MARCHF7: variants seen among roughly 807,000 people sequenced by gnomAD.
MARCHF7 encodes membrane associated ring-CH-type finger 7.
In MARCHF7, 20 loss-of-function variants were observed where a neutral mutation model predicts 76.5. That is an observed-to-expected ratio of 0.26 (90% CI 0.18 to 0.38). The LOEUF is 0.38. Among genes scored for constraint, MARCHF7 ranks in the 10% least tolerant of loss-of-function variants. MARCHF7 has a pLI of 1.00. For missense variants in MARCHF7, 797 were observed against 812.9 expected (o/e 0.98, Z 0.24); for synonymous variants, 295 against 293.0 (o/e 1.01, Z -0.07).
At chr2:159,731,570 C>T (rs555599879) in intron 4 of MARCHF7, among the ~76,000 whole-genome samples, 1 of 151,306 alleles carries the variant, frequency 6.6e-6, no homozygotes, top group Non-Finnish European at 1.5e-5. Flanking sequence ...GCCTAACCAA[C>T]ATGGAGAAAC....
intron 4 of MARCHF7, among the ~76,000 whole-genome samples, chr2:159,729,466 T>G (rs1574252655): frequency 6.6e-6 from 1 of 151,946 alleles, no homozygotes; most frequent in African/African-American, 2.4e-5. Context: ...AGGTCAGGAG[T>G]TCGAGACCAG....
At chr2:159,763,430 C>T (rs189751579) in intron 10 of MARCHF7, among the ~76,000 whole-genome samples, 110 of 152,238 alleles carry the variant, frequency 7.2e-4, no homozygotes, top group Non-Finnish European at 1.1e-3. Flanking sequence ...TTTAAGTGTC[C>T]ATATTACAAA....
chr2:159,762,846 TTTTTC>T, intron 9 of MARCHF7, 29 bp from the exon 10 acceptor site: 1 of 1,332,560 alleles, frequency 7.5e-7, no homozygotes, highest in Non-Finnish European at 1.1e-6. Flanking sequence ...ATTCTCTGTA[TTTTTC>T]TTTTCTCCTG....
intron 6 of MARCHF7, among the ~76,000 whole-genome samples, chr2:159,747,516 A>G (rs971396489): frequency 2.0e-5 from 3 of 152,156 alleles, no homozygotes; most frequent in African/African-American, 7.2e-5. Context: ...TTTCTGATCA[A>G]TAAATTCAGC....
intron 4 of MARCHF7, chr2:159,733,914 A>G: frequency 8.2e-7 from 1 of 1,219,208 alleles, no homozygotes; most frequent in Non-Finnish European, 1.0e-6. Flanking sequence ...GAAAATGTAG[A>G]TTCTAAGTTC....
At position 159,764,618 on chromosome 2, in the gene MARCHF7, G is replaced by A; in HGVS notation, c.2008-8G>A. 1 of 1,590,274 alleles carries A rather than the reference G, an allele frequency of 6.3e-7. No individual in the cohort carries two copies. The highest frequency in any genetic ancestry group is 8.6e-7 in the Non-Finnish European group (1 of 1,167,622). On this transcript the variant is annotated splice_region_variant and splice_polypyrimidine_tract_variant and intron_variant, in intron 10 of 11. Transcript: ENST00000409175. ...AAACTACTGTATTTCTTTCTGCATT[G>A]TTTCTAGTTTATTAACCTTGCAAGA...
intron 3 of MARCHF7, among the ~76,000 whole-genome samples, chr2:159,728,384 A>G (rs746295102): frequency 2.0e-5 from 3 of 152,224 alleles, no homozygotes; most frequent in African/African-American, 4.8e-5. Context: ...TTGAGTACCT[A>G]TTGTATCCCA....
chr2:159,764,538 A>C, intron 10 of MARCHF7, 88 bp from the exon 11 acceptor site: 4 of 1,004,664 alleles, frequency 4.0e-6, no homozygotes, highest in Non-Finnish European at 5.6e-6. Context: ...TTGACTTTTT[A>C]AGTAGAAATG....
chr2:159,720,321 G>T (rs1202182954), intron 3 of MARCHF7, among the ~76,000 whole-genome samples: 1 of 152,234 alleles, frequency 6.6e-6, no homozygotes, highest in African/African-American at 2.4e-5. Flanking sequence ...ACTGCACCCA[G>T]CCATGGAGGA....
At chr2:159,749,335 T>G in intron 7 of MARCHF7, among the ~76,000 whole-genome samples, 1 of 151,634 alleles carries the variant, frequency 6.6e-6, no homozygotes, top group African/African-American at 2.4e-5. Flanking sequence ...AGGGTTGTTT[T>G]GTTTTTGTTT....
chr2:159,718,490 A>G (rs1182570484), intron 3 of MARCHF7, among the ~76,000 whole-genome samples: 2 of 152,154 alleles, frequency 1.3e-5, no homozygotes, highest in African/African-American at 2.4e-5. Context: ...ATACCTGATC[A>G]AGGCCATTAT....
chr2:159,748,689 G>T lies in MARCHF7; in HGVS notation c.1399G>T (p.Ala467Ser), dbSNP rs761095067. The change falls in exon 7 of 12, where the codon GCT becomes TCT. Residue 467 changes from alanine to serine, a missense_variant. Coordinates refer to ENST00000409175, the MANE Select transcript of MARCHF7 (RefSeq NM_001282805.2). ...ATTGGSTSDS[A>S]QGGRNTGISG... is the part of the protein sequence containing the mutation. ...AACAGGTGGCTCTACATCAGATTCG[G>T]CTCAAGGTGGAAGAAATACAGGAAT... is the stretch of plus-strand genomic sequence containing the variant. 8.7e-6 allele frequency: 14 copies of T among 1,614,148 alleles called. No homozygotes were observed. In the Admixed American group the frequency reaches 1.0e-4, roughly 12 times the overall value.
At chr2:159,761,840 A>T (rs963801470) in intron 9 of MARCHF7, among the ~76,000 whole-genome samples, 2 of 152,172 alleles carry the variant, frequency 1.3e-5, no homozygotes, top group Admixed American at 1.3e-4. Context: ...TCACTGTAAA[A>T]ATTACAGGAC....
rs929430022 is a variant in MARCHF7, at chr2:159,734,206, A to G, written c.153+5031A>G. 4.8e-6 allele frequency: 4 copies of G among 829,004 alleles called. No homozygotes were observed. The African/African-American group carries it at 5.2e-5, about 11-fold the overall frequency. 51.4% of individuals were successfully genotyped at this position (829,004 alleles called of 1,614,324 possible). A position where few individuals can be genotyped will look rare whatever the true frequency, so the allele number is the denominator to read the frequency against. The stretch of plus-strand genomic sequence containing the variant: ...TTTCTGTAACTTTAAGGAAGCACTA[A>G]TCTGTTTAGTGTTTGTTCTGTTTTG... On this transcript the variant is annotated intron_variant, in intron 4 of 11. Coordinates refer to ENST00000409175, the MANE Select transcript of MARCHF7 (RefSeq NM_001282805.2).
At position 159,757,420 on chromosome 2, in the gene MARCHF7, A is replaced by G. The variant is rs762320571; in HGVS notation, c.1784-1806A>G. ...GCTAAAGTCTACAGGATATACAAAG[A>G]TGAATAAAATAAGTCTAGTACAAGT... On this transcript the variant is annotated intron_variant, in intron 8 of 11. Transcript: ENST00000409175. 1.7e-4 allele frequency among the ~76,000 whole-genome samples: 26 copies of G among 152,232 alleles called. 1 individual carries two copies. The highest frequency in any genetic ancestry group is 1.5e-4 in the Non-Finnish European group (10 of 68,050).
At chr2:159,750,418 A>G (rs1321860970) in intron 7 of MARCHF7, among the ~76,000 whole-genome samples, 6 of 152,162 alleles carry the variant, frequency 3.9e-5, no homozygotes, top group African/African-American at 9.7e-5. Flanking sequence ...GCAGCTACTC[A>G]GGAGGCTGAG....
At chr2:159,757,284 T>C (rs1265799513) in intron 8 of MARCHF7, among the ~76,000 whole-genome samples, 1 of 152,208 alleles carries the variant, frequency 6.6e-6, no homozygotes, top group African/African-American at 2.4e-5. Flanking sequence ...ACTTTCCTGA[T>C]AGGCATCTGA....
chr2:159,722,576 T>G (rs1437525067), intron 3 of MARCHF7, among the ~76,000 whole-genome samples: 1 of 152,204 alleles, frequency 6.6e-6, no homozygotes, highest in Non-Finnish European at 1.5e-5. Flanking sequence ...GCTTGTTAAG[T>G]ATTAATTACT....
Position 159,712,558 on chromosome 2 carries a change from A to G in MARCHF7, c.-191A>G, listed in dbSNP as rs527642460. 1 of 152,550 alleles carries G rather than the reference A, an allele frequency of 6.6e-6. No individual in the cohort carries two copies. The highest frequency in any genetic ancestry group is 6.5e-5 in the Admixed American group (1 of 15,278). 9.4% of individuals were successfully genotyped at this position (152,550 alleles called of 1,614,324 possible). A position where few individuals can be genotyped will look rare whatever the true frequency, so the allele number is the denominator to read the frequency against. ...CGGGCGCCATTGTGCTTCGCTGCCG[A>G]CTGCATTTCCTCAGTCACGGGCCTA... On this transcript the variant is annotated 5_prime_UTR_variant, in exon 1 of 12. Transcript: ENST00000409175.
Sources: allele counts gnomAD v4.1 joint callset (sites outside exome capture counted in the v4.1 genomes callset), GRCh38; gene constraint gnomAD v4.1.1; transcripts MANE v1.5; gene names NCBI Gene and HGNC (gene_info 2026-07-23, HGNC 2026-07-21).